The following MAT2B variants were observed in gnomAD, a reference collection of about 807,000 sequenced individuals.
MAT2B encodes methionine adenosyltransferase 2 subunit beta.
In MAT2B, 16 loss-of-function variants were observed where a neutral mutation model predicts 36.1. The ratio of observed to expected loss-of-function variants is 0.44; its 90% CI spans 0.30 to 0.67. The LOEUF is 0.67. MAT2B is among the 30% of genes least tolerant of loss of function. The pLI, the probability that MAT2B is intolerant of heterozygous loss-of-function variation, is 0.09. For synonymous variants in MAT2B, 148 were observed against 136.9 expected (o/e 1.08, Z -0.57); for missense variants, 332 against 398.2 (o/e 0.83, Z 1.42).
At chr5:163,512,665 G>C in intron 2 of MAT2B, 1 of 449,698 alleles carries the variant, frequency 2.2e-6, no homozygotes, top group Non-Finnish European at 4.5e-6. Flanking sequence ...AACTTGTTTT[G>C]ATTTAGAAAG....
At chr5:163,509,475 G>T (rs995615942) in intron 1 of MAT2B, among the ~76,000 whole-genome samples, 1 of 152,136 alleles carries the variant, frequency 6.6e-6, no homozygotes, top group South Asian at 2.1e-4. Flanking sequence ...GTTGGAACTT[G>T]TTGGGAATGC....
chr5:163,513,678 G>T lies in MAT2B; in HGVS notation c.373+9G>T. ...TTTAGCAAAGGAAGCAGGTAATGATGACTTTATAAAATTTTCATAAAATAT... is the reference window on the plus strand; with the variant it reads ...TTTAGCAAAGGAAGCAGGTAATGATTACTTTATAAAATTTTCATAAAATAT... On this transcript the variant is annotated intron_variant, in intron 3 of 6. Coordinates refer to ENST00000321757, the MANE Select transcript of MAT2B (RefSeq NM_013283.5). The T allele has an allele frequency of 1.2e-6, 2 of 1,600,192 alleles. No homozygotes were observed. The highest frequency in any genetic ancestry group is 2.2e-5 in the South Asian group (2 of 90,012).
chr5:163,513,577 C>T lies in MAT2B; in HGVS notation c.281C>T (p.Ala94Val), dbSNP rs1293892291. ...TAGCCCCATGTTATAGTACATTGTG[C>T]AGCAGAGAGAAGACCAGATGTTGTA... ...DFQPHVIVHCAAERRPDVVEN... is the reference protein window; with the variant it reads ...DFQPHVIVHCVAERRPDVVEN... The change falls in exon 3 of 7, where the codon GCA becomes GTA. Residue 94 changes from alanine (A) to valine (V), a missense_variant. Coordinates refer to ENST00000321757, the MANE Select transcript of MAT2B (RefSeq NM_013283.5). The T allele has an allele frequency of 1.2e-6, 2 of 1,609,878 alleles. No homozygotes were observed. The highest frequency in any genetic ancestry group is 1.7e-5 in the Admixed American group (1 of 59,970).
intron 4 of MAT2B, 138 bp downstream of exon 4, chr5:163,514,132 G>A: frequency 1.6e-6 from 1 of 637,164 alleles, no homozygotes; most frequent in Admixed American, 3.9e-5. Flanking sequence ...AGTTAATAAA[G>A]AAAATAAAAA....
chr5:163,503,431 A>T, upstream of MAT2B: 1 of 1,613,654 alleles, frequency 6.2e-7, no homozygotes, highest in Non-Finnish European at 8.5e-7. Flanking sequence ...GCAGGTAAGA[A>T]CTAGCAATTC....
At chr5:163,512,990 GGTT>G in intron 2 of MAT2B, 1 of 212,070 alleles carries the variant, frequency 4.7e-6, no homozygotes, top group Non-Finnish European at 9.7e-6. Context: ...CTAGAAACAT[GGTT>G]GTTTTATTTT....
At chr5:163,518,161 T>G in intron 6 of MAT2B, 32 bp from the exon 7 acceptor site, 1 of 1,537,156 alleles carries the variant, frequency 6.5e-7, no homozygotes, top group Non-Finnish European at 8.8e-7. Flanking sequence ...TTCACTTACT[T>G]TTGATTTTTT....
In MAT2B at chr5:163,505,657, C is replaced by T. The variant is rs200516708; in HGVS notation, c.-30C>T. 4 of 1,268,254 alleles carry T rather than the reference C, an allele frequency of 3.2e-6. No individual in the cohort carries two copies. The highest frequency in any genetic ancestry group is 3.0e-6 in the Non-Finnish European group (3 of 999,420). 78.6% of individuals were successfully genotyped at this position (1,268,254 alleles called of 1,614,324 possible). On this transcript the variant is annotated 5_prime_UTR_variant, in exon 1 of 7. Coordinates refer to ENST00000321757, the MANE Select transcript of MAT2B (RefSeq NM_013283.5). Reference sequence around the variant, plus strand: ...ATCCTGGGTTGGAGGAGGTGGCGGCCGCTGAGGCTGCGGCGTGAAGACGGC... The same window carrying T: ...ATCCTGGGTTGGAGGAGGTGGCGGCTGCTGAGGCTGCGGCGTGAAGACGGC...
Position 163,513,557 on chromosome 5 carries a change from C to G in MAT2B, c.261C>G (p.Pro87=), listed in dbSNP as rs148055585. ...ATACGTCAATGCTTAACTTCTAGCC[C>G]CATGTTATAGTACATTGTGCAGCAG... ...AVHHIIHDFQ[P]HVIVHCAAER... is the part of the protein sequence containing the mutation. Residue 87 remains proline (P), a splice_region_variant and synonymous_variant, in exon 3 of 7, where the codon CCC becomes CCG. Coordinates refer to ENST00000321757, the MANE Select transcript of MAT2B (RefSeq NM_013283.5). 15 of 1,576,014 alleles carry G rather than the reference C, an allele frequency of 9.5e-6. No homozygotes were observed. Among genetic ancestry groups the G allele is most frequent in the Non-Finnish European group, 1.2e-5 (14 of 1,147,566 alleles).
upstream of MAT2B, chr5:163,505,441 T>C: frequency 3.0e-6 from 3 of 987,556 alleles, no homozygotes; most frequent in Non-Finnish European, 3.9e-6. Flanking sequence ...GGCCTTTCTT[T>C]TGTGTGTCGC....
chr5:163,507,712 A>G (rs72808234), intron 1 of MAT2B, among the ~76,000 whole-genome samples: 228 of 152,310 alleles, frequency 1.5e-3, no homozygotes, highest in Admixed American at 3.6e-3. Context: ...TTTTAGAGGG[A>G]TATTTCTTTT....
At chr5:163,508,732 C>T (rs1649900428) in intron 1 of MAT2B, among the ~76,000 whole-genome samples, 1 of 151,968 alleles carries the variant, frequency 6.6e-6, no homozygotes, top group African/African-American at 2.4e-5. Context: ...ATTCTCCTGC[C>T]TCAGCCTCCC....
intron 4 of MAT2B, among the ~76,000 whole-genome samples, chr5:163,515,770 C>CTTTTTCTTTTTTTTTTT (rs1760121173): frequency 7.2e-5 from 5 of 69,782 alleles, no homozygotes; most frequent in African/African-American, 7.4e-5. Context: ...TTGCCTTTTT[C>CTTTTTCTTTTTTTTTTT]TTTTTTTTTT....
chr5:163,508,518 G>A (rs187340444), intron 1 of MAT2B, among the ~76,000 whole-genome samples: 156 of 152,222 alleles, frequency 1.0e-3, no homozygotes, highest in African/African-American at 3.6e-3. Context: ...GATTACAGGC[G>A]TGAGCCCTGG....
rs1303708349 is a variant in MAT2B, at chr5:163,512,193, T to C, written c.255T>C (p.Phe85=). The C allele has an allele frequency of 6.2e-7, 1 of 1,612,632 alleles. No individual in the cohort carries two copies. The highest frequency in any genetic ancestry group is 1.7e-5 in the Admixed American group (1 of 60,028). Residue 85 remains phenylalanine (F), a synonymous_variant, in exon 2 of 7, where the codon TTT becomes TTC. Transcript: ENST00000321757. ...CAGTTCATCACATCATTCATGATTTTCAGGTATGATTTAGGTTATTTTAAG... is the reference window on the plus strand; with the variant it reads ...CAGTTCATCACATCATTCATGATTTCCAGGTATGATTTAGGTTATTTTAAG... ...SNAVHHIIHD[F]QPHVIVHCAA... is the part of the protein sequence containing the mutation.
chr5:163,505,758 G>A lies in MAT2B; in HGVS notation c.63+9G>A, dbSNP rs759359935. The A allele has an allele frequency of 7.9e-7, 1 of 1,269,446 alleles. No homozygotes were observed. Among genetic ancestry groups the A allele is most frequent in the Non-Finnish European group, 1.0e-6 (1 of 1,000,704 alleles). 78.6% of individuals were successfully genotyped at this position (1,269,446 alleles called of 1,614,324 possible). A position where few individuals can be genotyped will look rare whatever the true frequency, so the allele number is the denominator to read the frequency against. ...GCTGTCGGCTGGTGGAGGTGAGGGA[G>A]TCGGCCTGGGCGTCTCCGGTGGGAG... On this transcript the variant is annotated intron_variant, in intron 1 of 6. Coordinates refer to ENST00000321757, the MANE Select transcript of MAT2B (RefSeq NM_013283.5).
intron 4 of MAT2B, 136 bp downstream of exon 4, chr5:163,514,130 A>C (rs1028105568): frequency 1.6e-6 from 1 of 639,084 alleles, no homozygotes; most frequent in Non-Finnish European, 2.3e-6. Flanking sequence ...ATAGTTAATA[A>C]AGAAAATAAA....
intron 1 of MAT2B, among the ~76,000 whole-genome samples, chr5:163,505,953 T>A (rs1442310755): frequency 6.6e-6 from 1 of 152,198 alleles, no homozygotes; most frequent in Non-Finnish European, 1.5e-5. Flanking sequence ...TCAGTGTTTT[T>A]TTCTTCCAGC....
At chr5:163,515,605 A>G (rs1048169849) in intron 4 of MAT2B, among the ~76,000 whole-genome samples, 5 of 152,082 alleles carry the variant, frequency 3.3e-5, no homozygotes, top group African/African-American at 1.2e-4. Context: ...AATGTCCTTT[A>G]TTGCTTTTAT....
Sources: gnomAD v4.1 joint callset for allele counts (sites outside exome capture counted in the v4.1 genomes callset) on GRCh38, gnomAD v4.1.1 for gene constraint, MANE v1.5 for transcripts, NCBI Gene and HGNC (gene_info 2026-07-23, HGNC 2026-07-21) for gene names.